The following AREL1 variants were observed in gnomAD, a reference collection of about 807,000 sequenced individuals.
AREL1 encodes the protein apoptosis resistant E3 ubiquitin protein ligase 1.
Under a neutral mutation model 99.0 loss-of-function variants are expected in AREL1, and 62 were observed. That is an observed-to-expected ratio of 0.63 (90% CI 0.51 to 0.77). The LOEUF is 0.77. Ranked by LOEUF, AREL1 falls within the 30% of genes least tolerant of loss-of-function variation. AREL1 has a pLI of 0.00. For synonymous variants in AREL1, 380 were observed against 376.5 expected, an observed-to-expected ratio of 1.01 and a Z score of -0.11; for missense variants, 879 against 1,027.6, an observed-to-expected ratio of 0.86 and a Z score of 1.98.
chr14:74,697,895 T>C (rs2090006221), intron 1 of AREL1, among the ~76,000 whole-genome samples: 1 of 152,140 alleles, frequency 6.6e-6, no homozygotes, highest in South Asian at 2.1e-4. Context: ...ACTCCCAGAT[T>C]TGGACACTGG....
At chr14:74,710,172 C>A (rs1184157976) in intron 1 of AREL1, among the ~76,000 whole-genome samples, 4 of 152,224 alleles carry the variant, frequency 2.6e-5, no homozygotes. Flanking sequence ...GAGTATCTGA[C>A]CACTTTCATT....
intron 1 of AREL1, among the ~76,000 whole-genome samples, chr14:74,702,441 G>T (rs1222450984): frequency 6.6e-6 from 1 of 152,144 alleles, no homozygotes; most frequent in Non-Finnish European, 1.5e-5. Flanking sequence ...CTGTACCTTG[G>T]CTCCTTTCAG....
chr14:74,690,049 A>G (rs1412557146), intron 2 of AREL1, among the ~76,000 whole-genome samples: 1 of 151,722 alleles, frequency 6.6e-6, no homozygotes, highest in East Asian at 2.0e-4. Flanking sequence ...GGAGTTTGAG[A>G]CCAGTCTGGG....
rs555128676 is a variant in AREL1 at position 74,698,979 on chromosome 14, G to A, written c.-333-6651C>T. On this transcript the variant is annotated intron_variant, in intron 1 of 19. Coordinates refer to ENST00000356357, the MANE Select transcript of AREL1 (RefSeq NM_001039479.2). ...GGTGAGGCTGCAGGGAGCCCTGACTGCTCCACTACACTTCAGACCGTGTGA... is the reference window on the plus strand; with the variant it reads ...GGTGAGGCTGCAGGGAGCCCTGACTACTCCACTACACTTCAGACCGTGTGA... 92 of 155,902 alleles carry A rather than the reference G, an allele frequency of 5.9e-4. 1 individual carries two copies. In the South Asian group the frequency reaches 0.014, roughly 25 times the overall value. 9.7% of individuals were successfully genotyped at this position (155,902 alleles called of 1,614,324 possible).
At position 74,693,980 on chromosome 14, in the gene AREL1, C is replaced by G. The variant is rs527546937; in HGVS notation, c.-333-1652G>C. Among the ~76,000 whole-genome samples the G allele has an allele frequency of 1.4e-4, 22 of 152,210 alleles. 1 individual carries two copies. Among genetic ancestry groups the G allele is most frequent in the Admixed American group, 1.0e-3 (16 of 15,272 alleles). On this transcript the variant is annotated intron_variant, in intron 1 of 19. Transcript: ENST00000356357. Reference sequence around the variant, plus strand: ...TCACTTGAGCCCAGGAGTTCAAGACCAGCCTGGGCGACATAACAAAACCCC... The same window carrying G: ...TCACTTGAGCCCAGGAGTTCAAGACGAGCCTGGGCGACATAACAAAACCCC...
At chr14:74,698,603 G>C (rs1271221822) in intron 1 of AREL1, among the ~76,000 whole-genome samples, 1 of 152,198 alleles carries the variant, frequency 6.6e-6, no homozygotes, top group Non-Finnish European at 1.5e-5. Context: ...GGTCCGCCAT[G>C]GGAGAAGGAC....
intron 1 of AREL1, among the ~76,000 whole-genome samples, chr14:74,712,549 T>C (rs1464928834): frequency 1.3e-5 from 2 of 152,176 alleles, no homozygotes; most frequent in African/African-American, 4.8e-5. Context: ...TAAATGTGCA[T>C]TGTATCTCAC....
intron 1 of AREL1, 63 bp from the exon 2 acceptor site, chr14:74,692,391 GA>G (rs892712807): frequency 2.2e-5 from 8 of 358,466 alleles, no homozygotes; most frequent in Non-Finnish European, 3.8e-5. Flanking sequence ...GGATTCCCCA[GA>G]AAAAAATCAA....
Position 74,663,609 on chromosome 14 carries a change from G to T in AREL1, c.*111C>A. On this transcript the variant is annotated 3_prime_UTR_variant, in exon 20 of 20. Transcript: ENST00000356357. The stretch of plus-strand genomic sequence containing the variant: ...ATCCTCCAGACACAGGGGAGCATGC[G>T]GCATCTTCTGGCTGATGGTTATGTG... 9.1e-7 allele frequency: 1 copy of T among 1,103,476 alleles called. No homozygotes were observed. The highest frequency in any genetic ancestry group is 1.4e-6 in the Non-Finnish European group (1 of 723,292). The allele number at this position is 1,103,476 out of a possible 1,614,324, so 68.4% of individuals were successfully genotyped here. A position where few individuals can be genotyped will look rare whatever the true frequency, so the allele number is the denominator to read the frequency against.
intron 13 of AREL1, 181 bp downstream of exon 13, chr14:74,670,580 AC>A (rs140759201): frequency 0.015 from 8,595 of 562,164 alleles, 244 homozygotes; most frequent in African/African-American, 0.08. Flanking sequence ...TGCTTATTTT[AC>A]AGATGAAATA....
chr14:74,701,258 T>C (rs1314268018), intron 1 of AREL1, among the ~76,000 whole-genome samples: 1 of 151,770 alleles, frequency 6.6e-6, no homozygotes, highest in Non-Finnish European at 1.5e-5. Context: ...AAAGCAAACA[T>C]GAAAAAAAAG....
At chr14:74,679,941 C>T (rs2139904772) in intron 5 of AREL1, among the ~76,000 whole-genome samples, 1 of 151,874 alleles carries the variant, frequency 6.6e-6, no homozygotes, top group African/African-American at 2.4e-5. Context: ...CTTTTTGGGG[C>T]CAAGGGGGTG....
chr14:74,679,159 G>A (rs889103586), intron 5 of AREL1, among the ~76,000 whole-genome samples: 1 of 152,144 alleles, frequency 6.6e-6, no homozygotes, highest in African/African-American at 2.4e-5. Context: ...CTCAGAAAGT[G>A]GATTTCATCA....
In AREL1 at chr14:74,663,815, G is replaced by C. The variant is rs1026146809; in HGVS notation, c.2377C>G (p.Gln793Glu). The C allele has an allele frequency of 1.5e-5, 24 of 1,614,134 alleles. No homozygotes were observed. The highest frequency in any genetic ancestry group is 1.9e-5 in the Non-Finnish European group (23 of 1,180,024). Residue 793 changes from glutamine (Q) to glutamate (E), a missense_variant, in exon 20 of 20, where the codon CAG (glutamine) becomes GAG (glutamate). Transcript: ENST00000356357. ...TLPTAHTCFN[Q>E]LCLPTYDSYE... is the part of the protein sequence containing the mutation. ...GAGTCATATGTAGGGAGGCACAGCT[G>C]GTTAAAACTGGAAGGGCAAGGGAGA...
intron 5 of AREL1, 40 bp from the exon 6 acceptor site, chr14:74,676,792 AT>A (rs1316373648): frequency 2.1e-6 from 3 of 1,424,890 alleles, no homozygotes; most frequent in Non-Finnish European, 1.9e-6. Flanking sequence ...TATTTATTTT[AT>A]TTTTTTATTT....
intron 1 of AREL1, chr14:74,698,810 G>T: frequency 3.9e-6 from 1 of 253,988 alleles, no homozygotes. Flanking sequence ...GATGGCTTGC[G>T]CCCAGGAGTT....
intron 1 of AREL1, among the ~76,000 whole-genome samples, chr14:74,708,112 C>T (rs1289125159): frequency 6.6e-6 from 1 of 152,106 alleles, no homozygotes; most frequent in African/African-American, 2.4e-5. Flanking sequence ...ATGTTAATTT[C>T]TTAGATGTGA....
intron 5 of AREL1, among the ~76,000 whole-genome samples, chr14:74,677,334 A>C (rs946708423): frequency 6.6e-6 from 1 of 151,784 alleles, no homozygotes; most frequent in Non-Finnish European, 1.5e-5. Flanking sequence ...GACCATCTCT[A>C]CAAAAAATAA....
At position 74,706,773 on chromosome 14, in the gene AREL1, G is replaced by T. The variant is rs146577625; in HGVS notation, c.-334+6160C>A. ...AGAAGACAGACAAATAAATAATTAC[G>T]TAGTTATACTTCCGTGTAGTAAAAT... On this transcript the variant is annotated intron_variant, in intron 1 of 19. Transcript: ENST00000356357. Among the ~76,000 whole-genome samples the T allele has an allele frequency of 3.9e-5, 6 of 152,232 alleles. No individual in the cohort carries two copies. In the South Asian group the frequency reaches 1.2e-3, roughly 32 times the overall value.
Sources: gnomAD v4.1 joint callset for allele counts (sites outside exome capture counted in the v4.1 genomes callset) on GRCh38, gnomAD v4.1.1 for gene constraint, MANE v1.5 for transcripts, NCBI Gene and HGNC (gene_info 2026-07-23, HGNC 2026-07-21) for gene names.